The following CDK5RAP2 variants were observed in gnomAD, a reference collection of about 807,000 sequenced individuals.
CDK5RAP2 encodes CDK5 regulatory subunit associated protein 2.
In CDK5RAP2, 147 loss-of-function variants were observed where a neutral mutation model predicts 232.9. That is an observed-to-expected ratio of 0.63 (90% CI 0.55 to 0.72). The LOEUF (loss-of-function observed/expected upper bound fraction) is 0.72, where lower values mean the gene tolerates loss of function less well. Among genes scored for constraint, CDK5RAP2 ranks in the 30% least tolerant of loss-of-function variants. The pLI is 0.00. For synonymous variants in CDK5RAP2, 833 were observed against 833.7 expected, an observed-to-expected ratio of 1.00 and a Z score of 0.01; for missense variants, 2,195 against 2,231.5, an observed-to-expected ratio of 0.98 and a Z score of 0.33.
intron 25 of CDK5RAP2, 112 bp from the exon 26 acceptor site, chr9:120,422,853 T>C (rs1360147562): frequency 1.3e-6 from 1 of 764,218 alleles, no homozygotes. Context: ...GTTTAAACAC[T>C]CTGTAACAAT....
At chr9:120,437,161 G>T in intron 25 of CDK5RAP2, 134 bp downstream of exon 25, 1 of 721,164 alleles carries the variant, frequency 1.4e-6, no homozygotes, top group East Asian at 2.7e-5. Context: ...AGCCAGTGTG[G>T]TTCTGCTGTC....
At position 120,517,735 on chromosome 9, in the gene CDK5RAP2, C is replaced by T. The variant is rs553021933; in HGVS notation, c.1311+692G>A. ...TACAACAGTCCTTAAAATATTCATACTCTTTGGCCCAGTTATTATACCTCT... is the reference window on the plus strand; with the variant it reads ...TACAACAGTCCTTAAAATATTCATATTCTTTGGCCCAGTTATTATACCTCT... On this transcript the variant is annotated intron_variant, in intron 12 of 37. Coordinates refer to ENST00000349780, the MANE Select transcript of CDK5RAP2 (RefSeq NM_018249.6). 42 of 193,070 alleles carry T rather than the reference C, an allele frequency of 2.2e-4. No individual in the cohort carries two copies. The South Asian group carries it at 3.4e-3, about 16-fold the overall frequency. 12.0% of individuals were successfully genotyped at this position (193,070 alleles called of 1,614,324 possible).
intron 6 of CDK5RAP2, chr9:120,536,733 C>A (rs2041409104): frequency 4.6e-6 from 3 of 646,566 alleles, no homozygotes; most frequent in Non-Finnish European, 8.3e-6. Context: ...ACAGGCATTT[C>A]CAATGGAAAA....
chr9:120,536,978 GAA>G (rs879745635), intron 6 of CDK5RAP2, among the ~76,000 whole-genome samples: 3 of 106,158 alleles, frequency 2.8e-5, no homozygotes, highest in Non-Finnish European at 2.0e-5. Context: ...ATTCAGTTGG[GAA>G]AAAAAAAAAA....
chr9:120,445,604 T>C (rs1466016864), intron 22 of CDK5RAP2, among the ~76,000 whole-genome samples: 1 of 152,174 alleles, frequency 6.6e-6, no homozygotes, highest in Non-Finnish European at 1.5e-5. Context: ...GTCCTTGTCT[T>C]ACCAGATAGC....
rs1208857175 is a variant in CDK5RAP2 at position 120,571,750 on chromosome 9, G to A, written c.127+224C>T. 4.3e-5 allele frequency: 24 copies of A among 556,766 alleles called. No homozygotes were observed. In the Admixed American group the frequency reaches 6.6e-4, roughly 15 times the overall value. The allele number at this position is 556,766 out of a possible 1,614,324, so 34.5% of individuals were successfully genotyped here. On this transcript the variant is annotated intron_variant, in intron 2 of 37. Transcript: ENST00000349780. ...CCCTATAGCTTTAGTAGCAACAAATGAAACTCATGAAGTATGGCCAAAAGG... is the reference window on the plus strand; with the variant it reads ...CCCTATAGCTTTAGTAGCAACAAATAAAACTCATGAAGTATGGCCAAAAGG...
At chr9:120,567,148 G>A (rs2042676862) in intron 3 of CDK5RAP2, among the ~76,000 whole-genome samples, 1 of 152,136 alleles carries the variant, frequency 6.6e-6, no homozygotes, top group African/African-American at 2.4e-5. Flanking sequence ...AATTATACAC[G>A]ATGTAGAATA....
At chr9:120,472,953 C>T (rs1717816197) in intron 15 of CDK5RAP2, among the ~76,000 whole-genome samples, 1 of 152,232 alleles carries the variant, frequency 6.6e-6, no homozygotes, top group African/African-American at 2.4e-5. Context: ...TGAACAGCCA[C>T]ATGGCTAGTG....
chr9:120,412,163 T>C (rs1314556150), intron 28 of CDK5RAP2, among the ~76,000 whole-genome samples: 1 of 152,230 alleles, frequency 6.6e-6, no homozygotes, highest in Non-Finnish European at 1.5e-5. Flanking sequence ...TGGCCCATCA[T>C]GGCAAAAGAC....
intron 1 of CDK5RAP2, among the ~76,000 whole-genome samples, chr9:120,578,003 C>T (rs946948164): frequency 2.0e-5 from 3 of 152,230 alleles, no homozygotes; most frequent in Non-Finnish European, 4.4e-5. Context: ...GGCGCGGTGG[C>T]TCACGCCTGT....
At chr9:120,533,797 TAAAAA>T (rs147527299) in intron 7 of CDK5RAP2, among the ~76,000 whole-genome samples, 1 of 52,714 alleles carries the variant, frequency 1.9e-5, no homozygotes, top group Non-Finnish European at 3.6e-5. Context: ...AGACTCCATC[TAAAAA>T]AAAAAAAAAA....
intron 5 of CDK5RAP2, among the ~76,000 whole-genome samples, chr9:120,543,790 G>A (rs759976024): frequency 6.6e-6 from 1 of 152,118 alleles, no homozygotes; most frequent in East Asian, 1.9e-4. Context: ...CCCAGGAGGC[G>A]GAGGTTGCAG....
chr9:120,514,825 C>T (rs936865652), intron 12 of CDK5RAP2, among the ~76,000 whole-genome samples: 1 of 152,188 alleles, frequency 6.6e-6, no homozygotes, highest in African/African-American at 2.4e-5. Context: ...AAGACGTATA[C>T]ATGTTATGTA....
chr9:120,429,582 A>G (rs1254035706), intron 25 of CDK5RAP2, among the ~76,000 whole-genome samples: 4 of 152,220 alleles, frequency 2.6e-5, no homozygotes, highest in African/African-American at 9.6e-5. Flanking sequence ...AAGGAGAACT[A>G]CAAACCACTG....
intron 31 of CDK5RAP2, chr9:120,407,847 T>C: frequency 4.4e-6 from 1 of 227,686 alleles, no homozygotes; most frequent in Non-Finnish European, 8.8e-6. Flanking sequence ...CCCAGAGCAA[T>C]GCCCAGCACG....
chr9:120,577,136 C>T (rs1282031611), intron 1 of CDK5RAP2, among the ~76,000 whole-genome samples: 1 of 152,038 alleles, frequency 6.6e-6, no homozygotes, highest in Non-Finnish European at 1.5e-5. Context: ...CCGAGGCAGG[C>T]ACAACACTTG....
chr9:120,418,514 C>T (rs536868794), intron 27 of CDK5RAP2, among the ~76,000 whole-genome samples: 1 of 152,210 alleles, frequency 6.6e-6, no homozygotes, highest in South Asian at 2.1e-4. Context: ...CTGGGGATTC[C>T]TGGAAAGTCA....
chr9:120,556,085 C>T (rs576757426), intron 3 of CDK5RAP2, among the ~76,000 whole-genome samples: 3 of 152,208 alleles, frequency 2.0e-5, no homozygotes, highest in South Asian at 4.2e-4. Context: ...GTTGATATTA[C>T]GGAACTGTTC....
At chr9:120,451,591 T>C (rs900413577) in intron 21 of CDK5RAP2, among the ~76,000 whole-genome samples, 1 of 152,036 alleles carries the variant, frequency 6.6e-6, no homozygotes, top group Non-Finnish European at 1.5e-5. Flanking sequence ...ACAAAAAATA[T>C]CATTAAATTT....
Sources: gnomAD v4.1 joint callset for allele counts (sites outside exome capture counted in the v4.1 genomes callset) on GRCh38, gnomAD v4.1.1 for gene constraint, MANE v1.5 for transcripts, NCBI Gene and HGNC (gene_info 2026-07-23, HGNC 2026-07-21) for gene names.